Variants in SGCZ observed in about 807,000 individuals in gnomAD.
The protein encoded by SGCZ is sarcoglycan zeta, also known as zeta-sarcoglycan.
SGCZ carries 40 observed loss-of-function variants against 41.3 expected under a neutral mutation model. The observed-to-expected ratio is 0.97, with a 90% CI of 0.75 to 1.26. SGCZ has a LOEUF of 1.26. Among genes scored for constraint, SGCZ ranks in the 50% most tolerant of loss-of-function variants. The pLI, the probability that SGCZ is intolerant of heterozygous loss-of-function variation, is 0.00. For synonymous variants in SGCZ, 206 were observed against 137.5 expected, an observed-to-expected ratio of 1.50 and a Z score of -3.49; for missense variants, 552 against 369.8, an observed-to-expected ratio of 1.49 and a Z score of -4.04.
At chr8:14,401,650 G>A (rs1175492878) in intron 2 of SGCZ, among the ~76,000 whole-genome samples, 1 of 151,592 alleles carries the variant, frequency 6.6e-6, no homozygotes, top group Admixed American at 6.6e-5. Context: ...GTATTCCATG[G>A]TGTATATGTG....
At chr8:15,038,834 A>G (rs1398089212) in intron 1 of SGCZ, among the ~76,000 whole-genome samples, 8 of 146,016 alleles carry the variant, frequency 5.5e-5, no homozygotes, top group Admixed American at 1.4e-4. Context: ...AAAAAAAAAA[A>G]AAAAAGAAAG....
rs549268085 is a variant in SGCZ, at chr8:15,026,355, G to T, written c.39+211230C>A. 2.0e-3 allele frequency among the ~76,000 whole-genome samples: 297 copies of T among 152,154 alleles called. 1 individual carries two copies. Among genetic ancestry groups the T allele is most frequent in the African/African-American group, 6.5e-3 (271 of 41,510 alleles). ...TGTTTTCAAACACTGACATTTTCCG[G>T]AACAGAAAAGAGTCCTAAATTTTTA... On this transcript the variant is annotated intron_variant, in intron 1 of 7. Coordinates refer to ENST00000382080, the MANE Select transcript of SGCZ (RefSeq NM_139167.4).
intron 1 of SGCZ, among the ~76,000 whole-genome samples, chr8:14,722,811 T>A (rs978386596): frequency 3.3e-5 from 5 of 152,154 alleles, no homozygotes; most frequent in Non-Finnish European, 7.4e-5. Context: ...TGCATACATG[T>A]GCATGTGTTT....
intron 1 of SGCZ, among the ~76,000 whole-genome samples, chr8:15,219,638 A>G (rs1801525132): frequency 1.3e-5 from 2 of 152,206 alleles, no homozygotes; most frequent in Admixed American, 1.3e-4. Context: ...GATACTGAGT[A>G]GCTGAGATAT....
chr8:14,797,919 G>A (rs1393309878), intron 1 of SGCZ, among the ~76,000 whole-genome samples: 1 of 152,208 alleles, frequency 6.6e-6, no homozygotes, highest in Non-Finnish European at 1.5e-5. Context: ...GAGACTGCAG[G>A]TACACAGAAG....
intron 1 of SGCZ, among the ~76,000 whole-genome samples, chr8:14,793,657 G>A (rs1302778445): frequency 6.6e-6 from 1 of 152,046 alleles, no homozygotes; most frequent in African/African-American, 2.4e-5. Context: ...TAGGAATTTG[G>A]GGTAAAGGGG....
At chr8:14,376,618 T>C (rs1038579399) in intron 2 of SGCZ, among the ~76,000 whole-genome samples, 5 of 152,096 alleles carry the variant, frequency 3.3e-5, no homozygotes, top group African/African-American at 1.2e-4. Flanking sequence ...AAATGCTACA[T>C]AAGTTGTTCC....
intron 2 of SGCZ, among the ~76,000 whole-genome samples, chr8:14,338,585 TTTA>T (rs1345444050): frequency 1.3e-5 from 2 of 152,216 alleles, no homozygotes; most frequent in Non-Finnish European, 2.9e-5. Flanking sequence ...TATTCTCTTG[TTTA>T]TTGAGGAATA....
At chr8:14,426,228 G>T (rs1388139879) in intron 2 of SGCZ, among the ~76,000 whole-genome samples, 1 of 151,994 alleles carries the variant, frequency 6.6e-6, no homozygotes, top group African/African-American at 2.4e-5. Context: ...ACAAGTCTAA[G>T]AAATAAAATT....
At position 15,016,876 on chromosome 8, in the gene SGCZ, G is replaced by C. The variant is rs539520062; in HGVS notation, c.39+220709C>G. Among the ~76,000 whole-genome samples the C allele has an allele frequency of 1.7e-4, 26 of 152,236 alleles. No homozygotes were observed. The South Asian group carries it at 5.0e-3, about 29-fold the overall frequency. Reference sequence around the variant, plus strand: ...AACAGCCATGTCATTTGGCAAGAGAGAGAGAGAGAGAAATGATGTGCCAGG... The same window carrying C: ...AACAGCCATGTCATTTGGCAAGAGACAGAGAGAGAGAAATGATGTGCCAGG... On this transcript the variant is annotated intron_variant, in intron 1 of 7. Transcript: ENST00000382080.
chr8:14,626,510 G>A (rs1364309193), intron 1 of SGCZ, among the ~76,000 whole-genome samples: 1 of 152,118 alleles, frequency 6.6e-6, no homozygotes, highest in Non-Finnish European at 1.5e-5. Flanking sequence ...TCTTCAGATT[G>A]TGAACTTACT....
At chr8:14,321,750 C>T (rs1461754959) in intron 3 of SGCZ, among the ~76,000 whole-genome samples, 1 of 152,038 alleles carries the variant, frequency 6.6e-6, no homozygotes, top group East Asian at 1.9e-4. Flanking sequence ...TACCTTAGAA[C>T]TACACGAACT....
At chr8:15,074,760 C>T (rs906193056) in intron 1 of SGCZ, among the ~76,000 whole-genome samples, 4 of 152,108 alleles carry the variant, frequency 2.6e-5, no homozygotes, top group Admixed American at 1.3e-4. Flanking sequence ...TCCTTTTGCC[C>T]TCCTCCTCTT....
intron 1 of SGCZ, among the ~76,000 whole-genome samples, chr8:14,824,658 T>C (rs1356778562): frequency 6.6e-6 from 1 of 152,014 alleles, no homozygotes; most frequent in African/African-American, 2.4e-5. Context: ...AAAATCTAAA[T>C]ATGAATTAAT....
chr8:14,774,513 G>A (rs1384862973), intron 1 of SGCZ, among the ~76,000 whole-genome samples: 2 of 152,192 alleles, frequency 1.3e-5, no homozygotes, highest in South Asian at 4.1e-4. Flanking sequence ...ACATGTTGCA[G>A]CCCTTATGGC....
chr8:14,686,114 G>C (rs1031246075), intron 1 of SGCZ, among the ~76,000 whole-genome samples: 1 of 152,098 alleles, frequency 6.6e-6, no homozygotes, highest in Non-Finnish European at 1.5e-5. Flanking sequence ...TATCCAGGTA[G>C]TGCATATAAA....
intron 1 of SGCZ, among the ~76,000 whole-genome samples, chr8:15,088,030 G>T (rs2131057363): frequency 6.6e-6 from 1 of 152,158 alleles, no homozygotes; most frequent in South Asian, 2.1e-4. Context: ...TAACAAAGCA[G>T]AAAAGGAATA....
At chr8:15,135,109 T>C (rs894448296) in intron 1 of SGCZ, among the ~76,000 whole-genome samples, 3 of 152,150 alleles carry the variant, frequency 2.0e-5, no homozygotes, top group African/African-American at 7.2e-5. Flanking sequence ...TGAGAAAAAT[T>C]ATATGCAACT....
chr8:15,180,673 C>T (rs543817806), intron 1 of SGCZ, among the ~76,000 whole-genome samples: 1 of 151,880 alleles, frequency 6.6e-6, no homozygotes, highest in Non-Finnish European at 1.5e-5. Flanking sequence ...ATCATGAGGT[C>T]AAGAGTTCAA....
Sources: gnomAD v4.1 joint callset for allele counts (sites outside exome capture counted in the v4.1 genomes callset) on GRCh38, gnomAD v4.1.1 for gene constraint, MANE v1.5 for transcripts, NCBI Gene and HGNC (gene_info 2026-07-23, HGNC 2026-07-21) for gene names.